DCC: variants seen among roughly 807,000 people sequenced by gnomAD.
DCC encodes DCC netrin 1 receptor.
Under a neutral mutation model 172.5 loss-of-function variants are expected in DCC, and 58 were observed. The ratio of observed to expected loss-of-function variants is 0.34; its 90% CI spans 0.27 to 0.42. DCC has a LOEUF of 0.42. DCC is among the 10% of genes least tolerant of loss of function. DCC has a pLI of 1.00. For missense variants in DCC, 1,740 were observed against 1,791.0 expected, an observed-to-expected ratio of 0.97 and a Z score of 0.51; for synonymous variants, 709 against 644.5, an observed-to-expected ratio of 1.10 and a Z score of -1.52.
At chr18:52,707,166 C>T (rs2036224639) in intron 1 of DCC, among the ~76,000 whole-genome samples, 1 of 152,180 alleles carries the variant, frequency 6.6e-6, no homozygotes, top group African/African-American at 2.4e-5. Context: ...TAATTACTAA[C>T]TTCACCCATT....
At chr18:53,246,324 G>A (rs970482565) in intron 12 of DCC, among the ~76,000 whole-genome samples, 2 of 151,900 alleles carry the variant, frequency 1.3e-5, no homozygotes, top group African/African-American at 4.8e-5. Context: ...AATATTTATA[G>A]CCCTAACTAT....
chr18:53,266,076 T>C (rs2056670137), intron 12 of DCC, among the ~76,000 whole-genome samples: 1 of 152,206 alleles, frequency 6.6e-6, no homozygotes. Flanking sequence ...TCCTCACTTC[T>C]TCCAAGCCAT....
intron 12 of DCC, among the ~76,000 whole-genome samples, chr18:53,248,388 G>T (rs1435345489): frequency 6.6e-6 from 1 of 151,990 alleles, no homozygotes; most frequent in African/African-American, 2.4e-5. Flanking sequence ...GATTACTAGA[G>T]GGTCCTAGGA....
At chr18:53,130,211 C>A (rs114314759) in intron 7 of DCC, among the ~76,000 whole-genome samples, 1,835 of 152,176 alleles carry the variant, frequency 0.012, 33 homozygotes, top group African/African-American at 0.041. Context: ...GGCAACATTA[C>A]TAAATGAGGT....
At chr18:53,511,665 G>A (rs2046254779) in intron 27 of DCC, among the ~76,000 whole-genome samples, 2 of 152,194 alleles carry the variant, frequency 1.3e-5, no homozygotes, top group Admixed American at 1.3e-4. Context: ...AAGGGGTCAG[G>A]GAGTTCCCTT....
chr18:53,065,934 C>T, intron 6 of DCC, 112 bp from the exon 7 acceptor site: 1 of 1,318,306 alleles, frequency 7.6e-7, no homozygotes, highest in Admixed American at 1.7e-5. Flanking sequence ...CATGGCCTCT[C>T]CTCTTGTTTC....
chr18:53,448,054 T>TG lies in DCC; in HGVS notation c.3230-2446_3230-2445insG, dbSNP rs1411728129. Among the ~76,000 whole-genome samples the TG allele has an allele frequency of 2.0e-4, 30 of 149,778 alleles. 1 individual carries two copies. The highest frequency in any genetic ancestry group is 4.4e-5 in the Non-Finnish European group (3 of 67,670). ...TTATTTAAATTTTGATGAGTTTTTT[T>TG]TTTTTTTTTTTTTTTTACAAAAGCA... On this transcript the variant is annotated intron_variant, in intron 22 of 28. Transcript: ENST00000442544.
chr18:53,205,044 C>T (rs144407502), intron 9 of DCC, among the ~76,000 whole-genome samples, 172 bp from the exon 10 acceptor site: 3 of 152,012 alleles, frequency 2.0e-5, no homozygotes, highest in African/African-American at 7.3e-5. Flanking sequence ...TAAAATGAAG[C>T]GATTCTAAAG....
intron 14 of DCC, among the ~76,000 whole-genome samples, chr18:53,325,804 G>A (rs1031452135): frequency 2.0e-5 from 3 of 152,104 alleles, no homozygotes; most frequent in Non-Finnish European, 4.4e-5. Flanking sequence ...TGAATCATGG[G>A]GAGTACAAAC....
At chr18:52,704,185 C>A (rs1197086442) in intron 1 of DCC, among the ~76,000 whole-genome samples, 1 of 151,878 alleles carries the variant, frequency 6.6e-6, no homozygotes, top group African/African-American at 2.4e-5. Flanking sequence ...AACTTCCAAC[C>A]TTTGTATGTG....
At chr18:53,418,126 T>C (rs1910426409) in intron 21 of DCC, among the ~76,000 whole-genome samples, 1 of 152,162 alleles carries the variant, frequency 6.6e-6, no homozygotes, top group Non-Finnish European at 1.5e-5. Flanking sequence ...CTTGGAGCCA[T>C]ATTCAGTCAT....
At chr18:53,242,900 G>GTGTT (rs1555737408) in intron 12 of DCC, among the ~76,000 whole-genome samples, 2 of 150,410 alleles carry the variant, frequency 1.3e-5, no homozygotes, top group African/African-American at 5.0e-5. Context: ...GTGTGTGTGT[G>GTGTT]TGTTTGTGCA....
chr18:52,613,118 A>G (rs1366716891), intron 1 of DCC, among the ~76,000 whole-genome samples: 1 of 152,210 alleles, frequency 6.6e-6, no homozygotes, highest in East Asian at 1.9e-4. Flanking sequence ...TGTTAGTGAT[A>G]GGGATGCTTC....
chr18:52,940,530 A>G (rs1418133060), intron 5 of DCC, among the ~76,000 whole-genome samples: 1 of 152,202 alleles, frequency 6.6e-6, no homozygotes, highest in African/African-American at 2.4e-5. Flanking sequence ...AGGATGGGCC[A>G]TTATGACTGC....
chr18:53,426,490 A>G (rs1320888747), intron 21 of DCC, among the ~76,000 whole-genome samples: 1 of 147,186 alleles, frequency 6.8e-6, no homozygotes, highest in Non-Finnish European at 1.5e-5. Context: ...ATATATGTAT[A>G]TTTTCCCCCA....
chr18:52,542,778 G>A (rs139236259), intron 1 of DCC, among the ~76,000 whole-genome samples: 237 of 152,204 alleles, frequency 1.6e-3, no homozygotes, highest in African/African-American at 5.4e-3. Flanking sequence ...ATAGGAGGTT[G>A]TAGTAAGCTG....
At chr18:52,381,815 C>A (rs1985598122) in intron 1 of DCC, among the ~76,000 whole-genome samples, 1 of 152,146 alleles carries the variant, frequency 6.6e-6, no homozygotes. Context: ...ATTGATCCTA[C>A]TCTCATGGTA....
intron 1 of DCC, among the ~76,000 whole-genome samples, chr18:52,618,121 A>T (rs2034418026): frequency 6.6e-6 from 1 of 152,196 alleles, no homozygotes. Context: ...GCTTGCTATT[A>T]CTATATATTT....
intron 1 of DCC, among the ~76,000 whole-genome samples, chr18:52,717,430 CTTTTTT>C (rs59202776): frequency 7.3e-5 from 9 of 123,418 alleles, no homozygotes; most frequent in Admixed American, 2.7e-4. Context: ...TTCTAAATTT[CTTTTTT>C]TTTTTTTTTT....
Sources: allele counts gnomAD v4.1 joint callset (sites outside exome capture counted in the v4.1 genomes callset), GRCh38; gene constraint gnomAD v4.1.1; transcripts MANE v1.5; gene names NCBI Gene and HGNC (gene_info 2026-07-23, HGNC 2026-07-21).